Variants in PSD3 observed in about 807,000 individuals in gnomAD.
PSD3 encodes the protein pleckstrin and Sec7 domain containing 3, also known as PH and SEC7 domain-containing protein 3.
A neutral mutation model predicts 105.5 loss-of-function variants in PSD3; 49 were observed. The ratio of observed to expected loss-of-function variants is 0.46; its 90% CI spans 0.37 to 0.59. The LOEUF is 0.59. PSD3 is among the 20% of genes least tolerant of loss of function. The pLI is 0.00. For synonymous variants in PSD3, 557 were observed against 457.8 expected (o/e 1.22, Z -2.77); for missense variants, 1,561 against 1,263.8 (o/e 1.24, Z -3.57).
At chr8:18,838,131 T>C (rs181763278) in intron 4 of PSD3, among the ~76,000 whole-genome samples, 1 of 152,344 alleles carries the variant, frequency 6.6e-6, no homozygotes, top group African/African-American at 2.4e-5. Context: ...AATCATATAA[T>C]GCCATCTGAC....
At chr8:18,735,293 G>A (rs1159655455) in intron 9 of PSD3, among the ~76,000 whole-genome samples, 1 of 151,944 alleles carries the variant, frequency 6.6e-6, no homozygotes, top group African/African-American at 2.4e-5. Flanking sequence ...AACAAGAGAT[G>A]AAAAAAATTG....
intron 11 of PSD3, among the ~76,000 whole-genome samples, chr8:18,603,297 T>C (rs1804571800): frequency 6.6e-6 from 1 of 152,198 alleles, no homozygotes; most frequent in South Asian, 2.1e-4. Flanking sequence ...TTTTTTTTAA[T>C]GCTATTGAAA....
chr8:18,956,134 T>C (rs1357927177), intron 1 of PSD3, among the ~76,000 whole-genome samples: 1 of 152,164 alleles, frequency 6.6e-6, no homozygotes, highest in African/African-American at 2.4e-5. Context: ...AAAAGACTTT[T>C]CTGAGGAAGC....
chr8:18,918,005 T>C (rs1375031550), intron 2 of PSD3, among the ~76,000 whole-genome samples: 3 of 152,290 alleles, frequency 2.0e-5, no homozygotes, highest in Middle Eastern at 3.4e-3. Context: ...AATCTATCTC[T>C]AGATTTCCTA....
chr8:18,819,107 T>C (rs1812474137), intron 4 of PSD3, among the ~76,000 whole-genome samples: 2 of 152,132 alleles, frequency 1.3e-5, no homozygotes, highest in Admixed American at 6.5e-5. Flanking sequence ...TCAAAACAAC[T>C]GGTACCCAGA....
intron 11 of PSD3, among the ~76,000 whole-genome samples, chr8:18,621,145 C>T (rs191867621): frequency 2.6e-5 from 4 of 152,282 alleles, no homozygotes; most frequent in South Asian, 2.1e-4. Flanking sequence ...CGGTGGCTCA[C>T]GCCTGCAATC....
rs892768644 is a variant in PSD3 at position 19,007,114 on chromosome 8, A to G, written c.21+6449T>C. On this transcript the variant is annotated intron_variant, in intron 1 of 15. Transcript: ENST00000327040. Reference sequence around the variant, plus strand: ...TACTAAAAATACGAAACAGCCAGGCATGATTGGTGCACACCTGCAGTCCCA... The same window carrying G: ...TACTAAAAATACGAAACAGCCAGGCGTGATTGGTGCACACCTGCAGTCCCA... Among the ~76,000 whole-genome samples the G allele has an allele frequency of 9.2e-5, 14 of 152,114 alleles. 1 individual carries two copies. The Middle Eastern group carries it at 0.014, about 149-fold the overall frequency.
intron 2 of PSD3, among the ~76,000 whole-genome samples, chr8:18,930,495 T>C (rs1445192098): frequency 6.6e-6 from 1 of 152,136 alleles, no homozygotes; most frequent in Non-Finnish European, 1.5e-5. Flanking sequence ...TTGGGTATCC[T>C]GGGTAAGTAT....
intron 9 of PSD3, among the ~76,000 whole-genome samples, chr8:18,688,729 A>G (rs1800800622): frequency 2.0e-5 from 3 of 152,218 alleles, no homozygotes; most frequent in Admixed American, 6.5e-5. Context: ...ACTAGATTCA[A>G]TATGAAATAA....
intron 9 of PSD3, among the ~76,000 whole-genome samples, chr8:18,702,571 G>A (rs1334079075): frequency 6.6e-6 from 1 of 151,962 alleles, no homozygotes; most frequent in Non-Finnish European, 1.5e-5. Context: ...TTTGTGGTGG[G>A]AGCATTACAA....
At position 18,634,157 on chromosome 8, in the gene PSD3, C is replaced by G. The variant is rs143516758; in HGVS notation, c.2217-1351G>C. On this transcript the variant is annotated intron_variant, in intron 10 of 15. Transcript: ENST00000327040. ...GAATTGTTTAGGTTCCTTATAGAAG[C>G]TGGATATTAGCCAGATTAACAGTTT... Among the ~76,000 whole-genome samples, 3 of 152,076 alleles carry G rather than the reference C, an allele frequency of 2.0e-5. No individual in the cohort carries two copies. In the East Asian group the frequency reaches 5.8e-4, roughly 29 times the overall value.
At chr8:18,614,505 A>C (rs911547565) in intron 11 of PSD3, among the ~76,000 whole-genome samples, 1 of 152,096 alleles carries the variant, frequency 6.6e-6, no homozygotes, top group Non-Finnish European at 1.5e-5. Flanking sequence ...GATTATTCCA[A>C]TAAGACATTG....
intron 9 of PSD3, among the ~76,000 whole-genome samples, chr8:18,660,225 GA>G (rs1311227090): frequency 1.3e-5 from 2 of 152,116 alleles, no homozygotes; most frequent in Non-Finnish European, 2.9e-5. Flanking sequence ...AAGGCAACAT[GA>G]AGAGGAATAT....
intron 1 of PSD3, among the ~76,000 whole-genome samples, chr8:18,954,377 T>G (rs1823424714): frequency 8.0e-6 from 1 of 124,258 alleles, no homozygotes; most frequent in East Asian, 2.5e-4. Flanking sequence ...AATTTAATTT[T>G]TATAAGAAAA....
intron 10 of PSD3, among the ~76,000 whole-genome samples, chr8:18,644,308 A>G (rs1807869470): frequency 1.3e-5 from 2 of 152,126 alleles, no homozygotes; most frequent in Non-Finnish European, 2.9e-5. Flanking sequence ...TTCCTCTCAT[A>G]TCTTACTGTA....
intron 11 of PSD3, among the ~76,000 whole-genome samples, chr8:18,605,551 TG>T (rs924205941): frequency 2.6e-5 from 4 of 152,170 alleles, no homozygotes; most frequent in African/African-American, 9.7e-5. Flanking sequence ...AATGGTGGAA[TG>T]AGTTAAGACT....
intron 8 of PSD3, among the ~76,000 whole-genome samples, chr8:18,776,871 A>C (rs1808148219): frequency 6.6e-6 from 1 of 152,138 alleles, no homozygotes. Flanking sequence ...TGTTTCTAAA[A>C]ATACCTCCAC....
At chr8:18,654,748 A>G (rs1563146648) in intron 10 of PSD3, among the ~76,000 whole-genome samples, 1 of 152,142 alleles carries the variant, frequency 6.6e-6, no homozygotes, top group Non-Finnish European at 1.5e-5. Context: ...AAGCTCCTAG[A>G]AGTTCTGAAG....
At chr8:18,552,838 T>C (rs1031485634) in intron 15 of PSD3, among the ~76,000 whole-genome samples, 2 of 152,180 alleles carry the variant, frequency 1.3e-5, no homozygotes, top group African/African-American at 4.8e-5. Context: ...ATCCCTTCGC[T>C]TAGAGTTAAG....
Sources: gnomAD v4.1 joint callset for allele counts (sites outside exome capture counted in the v4.1 genomes callset) on GRCh38, gnomAD v4.1.1 for gene constraint, MANE v1.5 for transcripts, NCBI Gene and HGNC (gene_info 2026-07-23, HGNC 2026-07-21) for gene names.